The following PPFIA2 variants were observed in gnomAD, a reference collection of about 807,000 sequenced individuals.
The protein encoded by PPFIA2 is liprin-alpha-2.
Under a neutral mutation model 175.5 loss-of-function variants are expected in PPFIA2, and 46 were observed. The ratio of observed to expected loss-of-function variants is 0.26; its 90% confidence interval spans 0.21 to 0.34. PPFIA2 has a LOEUF of 0.34. PPFIA2 is among the 10% of genes least tolerant of loss of function. PPFIA2 has a pLI of 1.00. For missense variants in PPFIA2, 1,179 were observed against 1,506.1 expected (o/e 0.78, Z 3.60); for synonymous variants, 568 against 511.4 (o/e 1.11, Z -1.49).
chr12:81,343,592 T>G (rs1222447762), intron 19 of PPFIA2, among the ~76,000 whole-genome samples: 3 of 152,120 alleles, frequency 2.0e-5, no homozygotes, highest in African/African-American at 7.2e-5. Flanking sequence ...GTAAGCTGAC[T>G]ACCACATCTC....
At chr12:81,548,260 G>T (rs1779080092) in intron 4 of PPFIA2, among the ~76,000 whole-genome samples, 1 of 152,022 alleles carries the variant, frequency 6.6e-6, no homozygotes, top group Non-Finnish European at 1.5e-5. Context: ...CAGCAACATT[G>T]GAATTTACAC....
At chr12:81,754,893 G>A (rs751852280) in intron 2 of PPFIA2, among the ~76,000 whole-genome samples, 4 of 151,828 alleles carry the variant, frequency 2.6e-5, no homozygotes, top group South Asian at 2.1e-4. Context: ...GAATTCCTAC[G>A]TGGTCTACCC....
intron 4 of PPFIA2, among the ~76,000 whole-genome samples, chr12:81,604,441 G>C (rs1265914259): frequency 2.6e-5 from 4 of 151,378 alleles, no homozygotes; most frequent in African/African-American, 9.7e-5. Flanking sequence ...AAAAAGATAT[G>C]AAATGTTGAG....
chr12:81,362,602 C>T, intron 15 of PPFIA2, 91 bp downstream of exon 15: 1 of 788,784 alleles, frequency 1.3e-6, no homozygotes, highest in South Asian at 2.0e-5. Flanking sequence ...ATAGGAAGTA[C>T]TGATTTATTT....
intron 11 of PPFIA2, among the ~76,000 whole-genome samples, chr12:81,371,784 T>C (rs750607461): frequency 6.6e-6 from 1 of 151,910 alleles, no homozygotes; most frequent in Non-Finnish European, 1.5e-5. Context: ...CCCAAAGTAA[T>C]CTTTATTGGT....
intron 9 of PPFIA2, among the ~76,000 whole-genome samples, chr12:81,376,376 T>C (rs1026798750): frequency 6.6e-6 from 1 of 151,842 alleles, no homozygotes; most frequent in Admixed American, 6.6e-5. Flanking sequence ...ATTCTTACCT[T>C]TACATTAAGA....
chr12:81,640,261 C>T (rs2064782689), intron 4 of PPFIA2, among the ~76,000 whole-genome samples: 2 of 151,894 alleles, frequency 1.3e-5, no homozygotes, highest in African/African-American at 2.4e-5. Flanking sequence ...CGATACATTG[C>T]AATGTGATAA....
intron 3 of PPFIA2, among the ~76,000 whole-genome samples, chr12:81,703,489 G>A (rs2076740844): frequency 6.6e-6 from 1 of 151,954 alleles, no homozygotes; most frequent in East Asian, 1.9e-4. Flanking sequence ...CATCACTACT[G>A]CTGCTCAACT....
chr12:81,345,927 T>C (rs971353036), intron 18 of PPFIA2, among the ~76,000 whole-genome samples: 1 of 152,150 alleles, frequency 6.6e-6, no homozygotes, highest in Non-Finnish European at 1.5e-5. Flanking sequence ...GTGGAATCAG[T>C]TCTGATTAGC....
intron 4 of PPFIA2, among the ~76,000 whole-genome samples, chr12:81,502,135 C>T (rs750483511): frequency 1.3e-5 from 2 of 152,114 alleles, no homozygotes; most frequent in Admixed American, 6.6e-5. Context: ...GATCATACTG[C>T]TGCCACCACA....
intron 15 of PPFIA2, among the ~76,000 whole-genome samples, 180 bp downstream of exon 15, chr12:81,362,513 C>T (rs1271356433): frequency 6.6e-6 from 1 of 151,328 alleles, no homozygotes; most frequent in Non-Finnish European, 1.5e-5. Context: ...CAGAAATAAT[C>T]TCTAAGTTAA....
intron 3 of PPFIA2, among the ~76,000 whole-genome samples, chr12:81,748,067 C>T (rs893579313): frequency 1.0e-4 from 15 of 144,250 alleles, no homozygotes; most frequent in African/African-American, 2.9e-4. Context: ...CTCCAGTTAA[C>T]AAAGGAAGGA....
At chr12:81,663,476 T>C (rs1311201197) in intron 4 of PPFIA2, among the ~76,000 whole-genome samples, 1 of 152,130 alleles carries the variant, frequency 6.6e-6, no homozygotes, top group African/African-American at 2.4e-5. Flanking sequence ...GGAATCCAAC[T>C]TACAATGGAT....
chr12:81,505,148 C>T (rs181199623), intron 4 of PPFIA2, among the ~76,000 whole-genome samples: 5 of 152,008 alleles, frequency 3.3e-5, no homozygotes, highest in Admixed American at 2.0e-4. Context: ...TGACAAGTTC[C>T]TCCGAATGAT....
At chr12:81,677,038 T>C (rs2072663687) in intron 3 of PPFIA2, among the ~76,000 whole-genome samples, 194 bp from the exon 4 acceptor site, 1 of 151,986 alleles carries the variant, frequency 6.6e-6, no homozygotes, top group South Asian at 2.1e-4. Context: ...TCTCCAACTC[T>C]GGAAGTCTAT....
intron 8 of PPFIA2, among the ~76,000 whole-genome samples, chr12:81,400,490 C>A (rs1436759953): frequency 6.6e-6 from 1 of 152,092 alleles, no homozygotes; most frequent in Non-Finnish European, 1.5e-5. Context: ...GAGGATTATT[C>A]TTGCCACTGA....
At chr12:81,589,602 A>G (rs1450163413) in intron 4 of PPFIA2, among the ~76,000 whole-genome samples, 6 of 152,148 alleles carry the variant, frequency 3.9e-5, no homozygotes, top group African/African-American at 1.4e-4. Context: ...GAAATTACAT[A>G]GTTTAGAATA....
intron 4 of PPFIA2, among the ~76,000 whole-genome samples, chr12:81,495,385 AT>A (rs572417177): frequency 6.6e-6 from 1 of 152,098 alleles, no homozygotes; most frequent in Non-Finnish European, 1.5e-5. Flanking sequence ...GAAAATTTAT[AT>A]TTTTTTATTT....
At chr12:81,648,282 A>G (rs2066471235) in intron 4 of PPFIA2, among the ~76,000 whole-genome samples, 1 of 152,036 alleles carries the variant, frequency 6.6e-6, no homozygotes, top group Admixed American at 6.5e-5. Flanking sequence ...CTCAGTTTAA[A>G]AGGGGAAAAT....
Sources: gnomAD v4.1 joint callset for allele counts (sites outside exome capture counted in the v4.1 genomes callset) on GRCh38, gnomAD v4.1.1 for gene constraint, MANE v1.5 for transcripts, NCBI Gene and HGNC (gene_info 2026-07-23, HGNC 2026-07-21) for gene names.